Variants in ARHGAP12 observed in about 807,000 individuals in gnomAD.
ARHGAP12 encodes Rho GTPase activating protein 12, also known as rho GTPase-activating protein 12.
Under a neutral mutation model 108.6 loss-of-function variants are expected in ARHGAP12, and 64 were observed. That is an observed-to-expected ratio of 0.59 (90% CI 0.48 to 0.73). ARHGAP12 has a LOEUF of 0.73. ARHGAP12 is among the 30% of genes least tolerant of loss of function. ARHGAP12 has a pLI of 0.00. For synonymous variants in ARHGAP12, 312 were observed against 337.2 expected, an observed-to-expected ratio of 0.93 and a Z score of 0.82; for missense variants, 940 against 1,005.9, an observed-to-expected ratio of 0.93 and a Z score of 0.89.
Position 31,855,924 on chromosome 10 carries a change from T to C in ARHGAP12, c.949-1718A>G, listed in dbSNP as rs114042007. 2.4e-3 allele frequency among the ~76,000 whole-genome samples: 366 copies of C among 152,312 alleles called. 3 individuals are homozygous for C. The highest frequency in any genetic ancestry group is 8.4e-3 in the African/African-American group (349 of 41,582). ...GATATCTTCCACTGGAAAATAGTTGTTTAATGGCAGTTAAGTAAAAGTTAA... is the reference window on the plus strand; with the variant it reads ...GATATCTTCCACTGGAAAATAGTTGCTTAATGGCAGTTAAGTAAAAGTTAA... On this transcript the variant is annotated intron_variant, in intron 4 of 19. Transcript: ENST00000344936.
chr10:31,916,710 G>C (rs189902329), intron 1 of ARHGAP12, among the ~76,000 whole-genome samples: 3,664 of 152,162 alleles, frequency 0.024, 157 homozygotes, highest in African/African-American at 0.082. Flanking sequence ...TCTGCCACCC[G>C]GGTTCAAGCG....
At chr10:31,853,084 G>C (rs949077220) in intron 5 of ARHGAP12, among the ~76,000 whole-genome samples, 13 of 152,092 alleles carry the variant, frequency 8.5e-5, no homozygotes, top group Non-Finnish European at 1.3e-4. Context: ...AGTTTGGTAA[G>C]AATAAATATA....
chr10:31,829,490 T>TA (rs1019082854), intron 10 of ARHGAP12, among the ~76,000 whole-genome samples: 1 of 151,930 alleles, frequency 6.6e-6, no homozygotes, highest in African/African-American at 2.4e-5. Context: ...TTTACCACCA[T>TA]AAAAAAAATT....
intron 9 of ARHGAP12, among the ~76,000 whole-genome samples, chr10:31,836,019 G>C (rs1485325451): frequency 6.6e-6 from 1 of 151,658 alleles, no homozygotes; most frequent in Non-Finnish European, 1.5e-5. Flanking sequence ...AGTTTTATCT[G>C]AATAAAAATA....
intron 3 of ARHGAP12, among the ~76,000 whole-genome samples, chr10:31,893,999 C>T (rs1324704901): frequency 6.6e-6 from 1 of 152,214 alleles, no homozygotes; most frequent in Admixed American, 6.5e-5. Flanking sequence ...ACAAAAACCA[C>T]ATGATTATCT....
intron 1 of ARHGAP12, among the ~76,000 whole-genome samples, chr10:31,919,543 A>G (rs754845222): frequency 1.3e-5 from 2 of 152,220 alleles, no homozygotes; most frequent in Non-Finnish European, 2.9e-5. Context: ...CTGTAATCCC[A>G]GCACTTTGGG....
chr10:31,845,027 C>A (rs1836400793), intron 6 of ARHGAP12, among the ~76,000 whole-genome samples: 1 of 152,146 alleles, frequency 6.6e-6, no homozygotes, highest in Non-Finnish European at 1.5e-5. Flanking sequence ...GTATGCTACA[C>A]TATTTATTTG....
chr10:31,928,171 T>TGCGCGC (rs10660460), intron 1 of ARHGAP12, among the ~76,000 whole-genome samples: 4 of 138,708 alleles, frequency 2.9e-5, no homozygotes, highest in Admixed American at 7.3e-5. Flanking sequence ...GCCGGCCTTT[T>TGCGCGC]GCGCACACAC....
At chr10:31,898,076 A>G (rs1208381821) in intron 3 of ARHGAP12, among the ~76,000 whole-genome samples, 2 of 152,294 alleles carry the variant, frequency 1.3e-5, no homozygotes, top group African/African-American at 4.8e-5. Flanking sequence ...GTGAGCCATG[A>G]TCGCACCACT....
intron 3 of ARHGAP12, among the ~76,000 whole-genome samples, chr10:31,899,928 GAA>G (rs1161992324): frequency 4.6e-5 from 7 of 152,086 alleles, no homozygotes; most frequent in Non-Finnish European, 1.0e-4. Flanking sequence ...TTAAGAGAAT[GAA>G]AAGACAAGCT....
At chr10:31,858,131 A>G (rs895972902) in intron 4 of ARHGAP12, among the ~76,000 whole-genome samples, 8 of 152,072 alleles carry the variant, frequency 5.3e-5, no homozygotes, top group Non-Finnish European at 1.2e-4. Context: ...TGAGTGCAGG[A>G]GTTTGAGACT....
chr10:31,841,773 G>A (rs1836278878), intron 7 of ARHGAP12, among the ~76,000 whole-genome samples: 1 of 152,090 alleles, frequency 6.6e-6, no homozygotes. Flanking sequence ...CTCACCCTAA[G>A]TTGCAGAGCA....
intron 1 of ARHGAP12, among the ~76,000 whole-genome samples, chr10:31,917,208 G>A (rs940878625): frequency 6.6e-6 from 1 of 151,828 alleles, no homozygotes; most frequent in Admixed American, 6.6e-5. Context: ...AGGAAATCGA[G>A]ACCATGCTGG....
chr10:31,874,973 CAAAAAAAAAAAAAAAA>C (rs59050160), intron 3 of ARHGAP12, among the ~76,000 whole-genome samples: 2 of 58,312 alleles, frequency 3.4e-5, no homozygotes, highest in Non-Finnish European at 6.0e-5. Flanking sequence ...GACTCTGTCT[CAAAAAAAAAAAAAAAA>C]AAAAAAAAAA....
intron 3 of ARHGAP12, among the ~76,000 whole-genome samples, chr10:31,889,056 C>G (rs900893496): frequency 2.0e-4 from 30 of 152,052 alleles, no homozygotes; most frequent in African/African-American, 6.5e-4. Context: ...ATTACAGGTG[C>G]CCACCACCAT....
chr10:31,821,109 C>T (rs1024091881), intron 11 of ARHGAP12, among the ~76,000 whole-genome samples: 2 of 152,040 alleles, frequency 1.3e-5, no homozygotes, highest in African/African-American at 4.8e-5. Context: ...TGAGTAGTTA[C>T]GCTGTTAACA....
intron 4 of ARHGAP12, among the ~76,000 whole-genome samples, chr10:31,855,875 T>C (rs973033783): frequency 6.6e-6 from 1 of 152,230 alleles, no homozygotes; most frequent in African/African-American, 2.4e-5. Context: ...TATATTATAC[T>C]ACAGAACCAG....
intron 2 of ARHGAP12, among the ~76,000 whole-genome samples, chr10:31,909,838 G>A (rs1839275389): frequency 6.6e-6 from 1 of 152,162 alleles, no homozygotes; most frequent in Admixed American, 6.5e-5. Context: ...TGAAGTTGTG[G>A]TGGACCAAGA....
At chr10:31,843,330 A>C in intron 7 of ARHGAP12, 131 bp downstream of exon 7, 1 of 1,045,322 alleles carries the variant, frequency 9.6e-7, no homozygotes, top group Non-Finnish European at 1.4e-6. Flanking sequence ...TCAAAAGCTT[A>C]AATTAGTTCA....
Sources: gnomAD v4.1 joint callset for allele counts (sites outside exome capture counted in the v4.1 genomes callset) on GRCh38, gnomAD v4.1.1 for gene constraint, MANE v1.5 for transcripts, NCBI Gene and HGNC (gene_info 2026-07-23, HGNC 2026-07-21) for gene names.